Variants in UBXN2B observed in about 807,000 individuals in gnomAD.
UBXN2B encodes UBX domain-containing protein 2B.
UBXN2B carries 19 observed loss-of-function variants against 37.5 expected under a neutral mutation model. That is an observed-to-expected ratio of 0.51 (90% CI 0.35 to 0.74). The LOEUF (loss-of-function observed/expected upper bound fraction) is 0.74, where lower values mean the gene tolerates loss of function less well. Among genes scored for constraint, UBXN2B ranks in the 30% least tolerant of loss-of-function variants. The pLI, the probability that UBXN2B is intolerant of heterozygous loss-of-function variation, is 0.01. For synonymous variants in UBXN2B, 145 were observed against 143.8 expected (o/e 1.01, Z -0.06); for missense variants, 370 against 393.2 (o/e 0.94, Z 0.50).
At chr8:58,424,552 A>C (rs1808022650) in intron 2 of UBXN2B, 4 of 907,974 alleles carry the variant, frequency 4.4e-6, no homozygotes, top group Non-Finnish European at 7.3e-6. Flanking sequence ...AGTGAAGTCC[A>C]CATCTATTTT....
intron 2 of UBXN2B, chr8:58,425,865 C>T: frequency 2.6e-6 from 3 of 1,145,854 alleles, no homozygotes; most frequent in South Asian, 2.4e-5. Flanking sequence ...ATAACATGGG[C>T]CACTTTAGAC....
At chr8:58,435,198 G>A (rs1370570127) in intron 5 of UBXN2B, 3 of 1,225,350 alleles carry the variant, frequency 2.4e-6, no homozygotes, top group Non-Finnish European at 3.1e-6. Context: ...AAGGATCAGA[G>A]TTTTACTGTA....
chr8:58,428,585 G>T (rs751014626), intron 2 of UBXN2B, among the ~76,000 whole-genome samples: 5 of 152,062 alleles, frequency 3.3e-5, no homozygotes, highest in Non-Finnish European at 7.4e-5. Flanking sequence ...GCCCAGCTGA[G>T]TACTAATTCT....
In UBXN2B at chr8:58,424,810, T is replaced by C. The variant is rs1808035135; in HGVS notation, c.189-5709T>C. The stretch of plus-strand genomic sequence containing the variant: ...AATCCTGCGCTGTAGTGTTTCAGTA[T>C]AATGCTGGACCGCCATATAGATAAA... On this transcript the variant is annotated intron_variant, in intron 2 of 7. Transcript: ENST00000399598. 4 of 1,447,146 alleles carry C rather than the reference T, an allele frequency of 2.8e-6. No homozygotes were observed. In the Admixed American group the frequency reaches 6.7e-5, roughly 24 times the overall value. The allele number at this position is 1,447,146 out of a possible 1,614,324, so 89.6% of individuals were successfully genotyped here.
intron 5 of UBXN2B, chr8:58,434,826 C>T: frequency 6.5e-7 from 1 of 1,535,148 alleles, no homozygotes; most frequent in Non-Finnish European, 8.7e-7. Flanking sequence ...GCTGCCCACC[C>T]ACTAAGCCAC....
intron 1 of UBXN2B, among the ~76,000 whole-genome samples, chr8:58,412,977 T>C (rs1374480246): frequency 1.3e-5 from 2 of 152,236 alleles, no homozygotes; most frequent in Admixed American, 6.5e-5. Context: ...TGTAACTTAA[T>C]GTCCTTTCCC....
chr8:58,427,119 G>C (rs904745706), intron 2 of UBXN2B, among the ~76,000 whole-genome samples: 4 of 152,226 alleles, frequency 2.6e-5, no homozygotes, highest in African/African-American at 7.2e-5. Flanking sequence ...AGGATAAAGA[G>C]AGAAAGAAAT....
At chr8:58,425,846 C>T in intron 2 of UBXN2B, 1 of 1,170,460 alleles carries the variant, frequency 8.5e-7, no homozygotes, top group Admixed American at 1.7e-5. Flanking sequence ...CAGTTCCTGA[C>T]AGCAAATCAT....
rs565187779 is a variant in UBXN2B at position 58,450,034 on chromosome 8, A to G, written c.*2483A>G. On this transcript the variant is annotated 3_prime_UTR_variant, in exon 8 of 8. Coordinates refer to ENST00000399598, the MANE Select transcript of UBXN2B (RefSeq NM_001077619.2). ...AGGATCTATGATTCACACCCTTAATATCTTCAAAGAGTCTTGTGTGTGACC... is the reference window on the plus strand; with the variant it reads ...AGGATCTATGATTCACACCCTTAATGTCTTCAAAGAGTCTTGTGTGTGACC... 7 of 152,302 alleles carry G rather than the reference A, an allele frequency of 4.6e-5. No individual in the cohort carries two copies. The East Asian group carries it at 1.3e-3, about 29-fold the overall frequency. The allele number at this position is 152,302 out of a possible 1,614,324, so 9.4% of individuals were successfully genotyped here. A position where few individuals can be genotyped will look rare whatever the true frequency, so the allele number is the denominator to read the frequency against.
chr8:58,425,156 C>A, intron 2 of UBXN2B: 1 of 866,396 alleles, frequency 1.2e-6, no homozygotes, highest in South Asian at 1.3e-5. Flanking sequence ...CCTTGCCCAA[C>A]CTTTGAAAGT....
At position 58,443,559 on chromosome 8, in the gene UBXN2B, G is replaced by A. The variant is rs908477716; in HGVS notation, c.672-2348G>A. Among the ~76,000 whole-genome samples, 12 of 151,028 alleles carry A rather than the reference G, an allele frequency of 7.9e-5. 1 individual carries two copies. Among genetic ancestry groups the A allele is most frequent in the South Asian group, 2.1e-4 (1 of 4,798 alleles). On this transcript the variant is annotated intron_variant, in intron 6 of 7. Coordinates refer to ENST00000399598, the MANE Select transcript of UBXN2B (RefSeq NM_001077619.2). ...TGTAATCCCAGCACTTTGGGAGGCC[G>A]AGGCAGGCAGATGACTTGAGATTAG...
chr8:58,437,786 T>G (rs1007870098), intron 5 of UBXN2B, among the ~76,000 whole-genome samples: 3 of 152,142 alleles, frequency 2.0e-5, no homozygotes, highest in Non-Finnish European at 4.4e-5. Context: ...ATCCTGGCTA[T>G]GTAGTAGAGA....
chr8:58,416,745 G>T, intron 1 of UBXN2B, 105 bp from the exon 2 acceptor site: 1 of 898,366 alleles, frequency 1.1e-6, no homozygotes, highest in Non-Finnish European at 1.6e-6. Flanking sequence ...TTCATGAAAA[G>T]TCTTTACCAC....
chr8:58,450,942 T>G lies in UBXN2B; in HGVS notation c.*3391T>G, dbSNP rs1808788412. The G allele has an allele frequency of 6.6e-6, 1 of 152,564 alleles. No individual in the cohort carries two copies. Among genetic ancestry groups the G allele is most frequent in the Non-Finnish European group, 1.5e-5 (1 of 68,042 alleles). 9.5% of individuals were successfully genotyped at this position (152,564 alleles called of 1,614,324 possible). ...GAGGAATTCTCAAAATAAGCCCTAC[T>G]CCTTTTCACTTACTGAAAACAACTT... On this transcript the variant is annotated 3_prime_UTR_variant, in exon 8 of 8. Coordinates refer to ENST00000399598, the MANE Select transcript of UBXN2B (RefSeq NM_001077619.2).
At chr8:58,418,679 C>G (rs1292933887) in intron 2 of UBXN2B, among the ~76,000 whole-genome samples, 11 of 152,220 alleles carry the variant, frequency 7.2e-5, no homozygotes, top group Non-Finnish European at 1.2e-4. Context: ...CTGACCACCA[C>G]AGCACTCCAT....
In UBXN2B at chr8:58,446,038, G is replaced by A. The variant is rs562946494; in HGVS notation, c.803G>A (p.Arg268His). ...CAAATCAGGTTAGCAGATGGGAGTC[G>A]TTTGATACAAAGATTCAATAGTACA... ...KIQIRLADGS[R>H]LIQRFNSTHR... is the part of the protein sequence containing the mutation. The change falls in exon 7 of 8, where the codon CGT becomes CAT. Residue 268 changes from arginine (R) to histidine (H), a missense_variant. Physicochemically the swap from Arg to His is conservative, Grantham distance 29 (BLOSUM62 0). This residue lies in a region of UBXN2B where 83 missense variants were observed against 83.5 expected (regional missense o/e 0.99). Coordinates refer to ENST00000399598, the MANE Select transcript of UBXN2B (RefSeq NM_001077619.2). 19 of 1,611,998 alleles carry A rather than the reference G, an allele frequency of 1.2e-5. No individual in the cohort carries two copies. Among genetic ancestry groups the A allele is most frequent in the Admixed American group, 6.7e-5 (4 of 59,834 alleles).
In UBXN2B at chr8:58,451,136, A is replaced by G. The variant is rs1808791396; in HGVS notation, c.*3585A>G. 6.5e-6 allele frequency: 1 copy of G among 152,674 alleles called. No individual in the cohort carries two copies. The highest frequency in any genetic ancestry group is 1.5e-5 in the Non-Finnish European group (1 of 68,046). The allele number at this position is 152,674 out of a possible 1,614,324, so 9.5% of individuals were successfully genotyped here. ...ATTAACAAAACAGGAAAAATAACCA[A>G]TCCTTGTAAAATTATTTGAAATTTT... On this transcript the variant is annotated 3_prime_UTR_variant, in exon 8 of 8. Transcript: ENST00000399598.
At chr8:58,431,735 ATT>A in intron 3 of UBXN2B, among the ~76,000 whole-genome samples, 1 of 152,282 alleles carries the variant, frequency 6.6e-6, no homozygotes, top group South Asian at 2.1e-4. Flanking sequence ...TATTGTCACT[ATT>A]TTTAATTTTA....
At chr8:58,441,149 T>A (rs1164974128) in intron 6 of UBXN2B, among the ~76,000 whole-genome samples, 1 of 151,540 alleles carries the variant, frequency 6.6e-6, no homozygotes, top group Non-Finnish European at 1.5e-5. Context: ...CGAGCGCAGC[T>A]CATTTTTTTT....
Sources: allele counts gnomAD v4.1 joint callset (sites outside exome capture counted in the v4.1 genomes callset), GRCh38; gene constraint gnomAD v4.1.1; regional missense constraint gnomAD v4.1.1; transcripts MANE v1.5; gene names NCBI Gene and HGNC (gene_info 2026-07-23, HGNC 2026-07-21).